RNF220: variants seen among roughly 807,000 people sequenced by gnomAD.
RNF220 encodes E3 ubiquitin-protein ligase RNF220.
In RNF220, 7 loss-of-function variants were observed where a neutral mutation model predicts 67.1. The ratio of observed to expected loss-of-function variants is 0.10; its 90% CI spans 0.06 to 0.20. The LOEUF (loss-of-function observed/expected upper bound fraction) is 0.20. RNF220 is among the 10% of genes least tolerant of loss of function. RNF220 has a pLI of 1.00. For missense variants in RNF220, 565 were observed against 740.3 expected (o/e 0.76, Z 2.75); for synonymous variants, 270 against 283.2 (o/e 0.95, Z 0.47).
intron 2 of RNF220, among the ~76,000 whole-genome samples, chr1:44,585,329 C>T (rs1665618914): frequency 6.6e-6 from 1 of 152,142 alleles, no homozygotes; most frequent in African/African-American, 2.4e-5. Flanking sequence ...CCTGGAGCTC[C>T]AACTCTCTTT....
In RNF220 at chr1:44,412,989, T is replaced by C. The variant is rs557572031; in HGVS notation, c.625+267T>C. Among the ~76,000 whole-genome samples the C allele has an allele frequency of 6.6e-6, 1 of 152,306 alleles. No homozygotes were observed. Among genetic ancestry groups the C allele is most frequent in the African/African-American group, 2.4e-5 (1 of 41,566 alleles). On this transcript the variant is annotated intron_variant, in intron 2 of 14. Coordinates refer to ENST00000361799, the MANE Select transcript of RNF220 (RefSeq NM_018150.4). The surrounding 1 kb of genome is among the most constrained non-coding windows in gnomAD (Gnocchi z 5.3). ...CCTAGTGGGCTTATTCTCTGAGGAC[T>C]TGAGTGAAGAGGGGTGCCACCGACG...
intron 8 of RNF220, chr1:44,643,912 G>A (rs41269051): frequency 1.2e-3 from 186 of 153,394 alleles, no homozygotes; most frequent in Non-Finnish European, 1.9e-3. Context: ...CCAGCAGCTC[G>A]CCCCTCCCTC....
chr1:44,648,460 A>G (rs1279430198), intron 12 of RNF220: 1 of 152,212 alleles, frequency 6.6e-6, no homozygotes, highest in Non-Finnish European at 1.5e-5. Flanking sequence ...TCCAGGAAGC[A>G]TTCTTCTCCA....
At chr1:44,538,922 A>G (rs898892501) in intron 2 of RNF220, among the ~76,000 whole-genome samples, 1 of 148,918 alleles carries the variant, frequency 6.7e-6, no homozygotes, top group African/African-American at 2.5e-5. Context: ...TCTAGGGAAA[A>G]AAAAAAAAAA....
chr1:44,409,486 CT>C (rs1444721638), intron 1 of RNF220, among the ~76,000 whole-genome samples: 1 of 152,232 alleles, frequency 6.6e-6, no homozygotes, highest in African/African-American at 2.4e-5. Context: ...GGGATGTCAG[CT>C]GTTATTACTT....
At chr1:44,506,352 A>T (rs931631551) in intron 2 of RNF220, among the ~76,000 whole-genome samples, 6 of 151,412 alleles carry the variant, frequency 4.0e-5, no homozygotes, top group African/African-American at 1.5e-4. Context: ...GGCCAGTGGG[A>T]CTCTTCCTCT....
intron 2 of RNF220, among the ~76,000 whole-genome samples, chr1:44,609,082 A>G (rs1003620442): frequency 1.3e-5 from 2 of 152,214 alleles, no homozygotes; most frequent in African/African-American, 4.8e-5. Context: ...AGCAAGAGGC[A>G]GCTCTGTTGA....
At chr1:44,428,645 C>G (rs369621553) in intron 2 of RNF220, among the ~76,000 whole-genome samples, 17 of 152,236 alleles carry the variant, frequency 1.1e-4, no homozygotes, top group African/African-American at 3.9e-4. Flanking sequence ...TGCTCACAAA[C>G]CCCCAAACTG....
chr1:44,405,449 CT>C lies in RNF220; in HGVS notation c.-195del. 1 of 607,656 alleles carries C rather than the reference CT, an allele frequency of 1.6e-6. No individual in the cohort carries two copies. The allele number at this position is 607,656 out of a possible 1,614,324, so 37.6% of individuals were successfully genotyped here. ...CTCCGCCGGCTCTGCGAACCCGGGACTTTTCATGCACCACACTCTCCGCCTG... is the reference window on the plus strand; with the variant it reads ...CTCCGCCGGCTCTGCGAACCCGGGACTTTCATGCACCACACTCTCCGCCTG... On this transcript the variant is annotated 5_prime_UTR_variant, in exon 1 of 15. It introduces an in-frame stop codon into an upstream open reading frame of the 5' UTR. Transcript: ENST00000361799.
At chr1:44,424,674 G>T (rs912407287) in intron 2 of RNF220, among the ~76,000 whole-genome samples, 1 of 152,202 alleles carries the variant, frequency 6.6e-6, no homozygotes, top group Admixed American at 6.5e-5. Flanking sequence ...GGGAGGATCT[G>T]TCCACCTGTC....
chr1:44,598,820 T>C (rs1666722050), intron 2 of RNF220, among the ~76,000 whole-genome samples: 1 of 152,158 alleles, frequency 6.6e-6, no homozygotes, highest in Non-Finnish European at 1.5e-5. Flanking sequence ...TTCGAGAGCT[T>C]CTACCCTTTG....
chr1:44,517,226 AG>A (rs1659523338), intron 2 of RNF220, among the ~76,000 whole-genome samples: 2 of 152,090 alleles, frequency 1.3e-5, no homozygotes, highest in African/African-American at 2.4e-5. Context: ...CTGGCAGCTA[AG>A]GAATCTTTTT....
chr1:44,428,472 A>G (rs926859958), intron 2 of RNF220, among the ~76,000 whole-genome samples: 1 of 152,072 alleles, frequency 6.6e-6, no homozygotes, highest in Non-Finnish European at 1.5e-5. Flanking sequence ...AAGGGGAAAA[A>G]ATTGCTTTTG....
rs184496307 is a variant in RNF220, at chr1:44,482,605, A to T, written c.625+69883A>T. Among the ~76,000 whole-genome samples, 123 of 152,104 alleles carry T rather than the reference A, an allele frequency of 8.1e-4. 2 individuals carry two copies. Among genetic ancestry groups the T allele is most frequent in the Admixed American group, 2.4e-3 (36 of 15,266 alleles). ...AGGATTCTTCACATTTATCCTTGGCATAGTCTAGGGTAATTCAGTAAATTT... is the reference window on the plus strand; with the variant it reads ...AGGATTCTTCACATTTATCCTTGGCTTAGTCTAGGGTAATTCAGTAAATTT... On this transcript the variant is annotated intron_variant, in intron 2 of 14. Coordinates refer to ENST00000361799, the MANE Select transcript of RNF220 (RefSeq NM_018150.4).
At chr1:44,443,385 C>T (rs1473562712) in intron 2 of RNF220, among the ~76,000 whole-genome samples, 1 of 152,196 alleles carries the variant, frequency 6.6e-6, no homozygotes, top group East Asian at 1.9e-4. Flanking sequence ...TCCCATAGTT[C>T]ATACTCTCCT....
rs1648621289 is a variant in RNF220, at chr1:44,417,160, G to C, written c.625+4438G>C. ...CTGGGACAGATGACCACTGGGAAAG[G>C]GTCAGCAAATCGCCAGAAGACCTGG... On this transcript the variant is annotated intron_variant, in intron 2 of 14. Coordinates refer to ENST00000361799, the MANE Select transcript of RNF220 (RefSeq NM_018150.4). This position sits in a 1 kb window ranked among gnomAD's most constrained non-coding sequence, Gnocchi z 4.0. Among the ~76,000 whole-genome samples, 1 of 152,116 alleles carries C rather than the reference G, an allele frequency of 6.6e-6. No homozygotes were observed. The highest frequency in any genetic ancestry group is 1.5e-5 in the Non-Finnish European group (1 of 68,026).
intron 2 of RNF220, among the ~76,000 whole-genome samples, chr1:44,559,657 G>A (rs1663409246): frequency 1.3e-5 from 2 of 152,198 alleles, no homozygotes; most frequent in African/African-American, 4.8e-5. Flanking sequence ...GTTAGGAAGA[G>A]GGGGCCACGG....
At chr1:44,477,878 G>A (rs189209176) in intron 2 of RNF220, among the ~76,000 whole-genome samples, 31 of 152,260 alleles carry the variant, frequency 2.0e-4, no homozygotes, top group Admixed American at 7.9e-4. Context: ...AAATGTTTTT[G>A]AACAATAATC....
intron 2 of RNF220, among the ~76,000 whole-genome samples, chr1:44,598,579 G>T (rs1666702611): frequency 6.6e-6 from 1 of 152,184 alleles, no homozygotes; most frequent in Non-Finnish European, 1.5e-5. Flanking sequence ...GTTCCGGGTG[G>T]GGCTTGGGCC....
Sources: gnomAD v4.1 joint callset for allele counts (sites outside exome capture counted in the v4.1 genomes callset) on GRCh38, gnomAD v4.1.1 for gene constraint, Gnocchi (gnomAD v3.1) non-coding constraint, MANE v1.5 for transcripts, NCBI Gene and HGNC (gene_info 2026-07-23, HGNC 2026-07-21) for gene names.